The following SERPINB8 variants were observed in gnomAD, a reference collection of about 807,000 sequenced individuals.
SERPINB8 encodes the protein serpin family B member 8.
A neutral mutation model predicts 35.3 loss-of-function variants in SERPINB8; 25 were observed. That is an observed-to-expected ratio of 0.71 (90% CI 0.52 to 0.99). The LOEUF (loss-of-function observed/expected upper bound fraction) is 0.99. Ranked by LOEUF, SERPINB8 falls within the 50% of genes least tolerant of loss-of-function variation. The probability of loss-of-function intolerance (pLI) is 0.00; values close to 1 mark genes in which losing one functional copy is unlikely to be tolerated. For synonymous variants in SERPINB8, 186 were observed against 160.8 expected (o/e 1.16, Z -1.19); for missense variants, 484 against 446.5 (o/e 1.08, Z -0.76).
chr18:64,018,670 T>C (rs1168111054), intron 7 of SERPINB8, among the ~76,000 whole-genome samples: 1 of 152,184 alleles, frequency 6.6e-6, no homozygotes, highest in Non-Finnish European at 1.5e-5. Context: ...AGGGCAAATA[T>C]TAAAAATACT....
intron 1 of SERPINB8, among the ~76,000 whole-genome samples, chr18:63,998,935 C>T (rs889866996): frequency 1.3e-5 from 2 of 152,148 alleles, no homozygotes; most frequent in Non-Finnish European, 2.9e-5. Flanking sequence ...CAAATAGAAA[C>T]TTTGATGGAA....
chr18:64,004,755 T>C (rs2050892100), intron 1 of SERPINB8: 2 of 398,232 alleles, frequency 5.0e-6, no homozygotes, highest in Non-Finnish European at 8.9e-6. Flanking sequence ...AAAGGAATGC[T>C]TCTGTTGTTT....
intron 1 of SERPINB8, among the ~76,000 whole-genome samples, chr18:64,003,817 G>A (rs1276279302): frequency 6.6e-6 from 1 of 152,006 alleles, no homozygotes; most frequent in Non-Finnish European, 1.5e-5. Context: ...GACTGGAGGG[G>A]GGCCACCCAC....
intron 1 of SERPINB8, among the ~76,000 whole-genome samples, chr18:63,978,003 T>C (rs991141314): frequency 1.6e-4 from 25 of 152,164 alleles, no homozygotes; most frequent in African/African-American, 6.0e-4. Context: ...CATGTCTCTG[T>C]CTCTGACTCT....
At chr18:64,018,808 C>T (rs2050962347) in intron 7 of SERPINB8, 1 of 152,186 alleles carries the variant, frequency 6.6e-6, no homozygotes, top group African/African-American at 2.4e-5. Context: ...TGCATATTTT[C>T]CTGGTTCTTG....
At chr18:64,009,027 T>C (rs2050913800), downstream of SERPINB8, among the ~76,000 whole-genome samples, 1 of 152,196 alleles carries the variant, frequency 6.6e-6, no homozygotes, top group Non-Finnish European at 1.5e-5. Context: ...CTATCATTAT[T>C]ATACAAGAGC....
chr18:63,980,684 G>A (rs2050657226), intron 3 of SERPINB8, among the ~76,000 whole-genome samples: 1 of 152,170 alleles, frequency 6.6e-6, no homozygotes, highest in African/African-American at 2.4e-5. Flanking sequence ...ATCTCCTGAT[G>A]AATCCATTTC....
chr18:64,015,807 G>T lies in SERPINB8; in HGVS notation c.*3-3103G>T, dbSNP rs561304380. 2.8e-4 allele frequency among the ~76,000 whole-genome samples: 43 copies of T among 152,272 alleles called. 1 individual carries two copies. In the South Asian group the frequency reaches 8.5e-3, roughly 30 times the overall value. ...CCTTTGAAGTTTCTCTCATTAGAAT[G>T]AAGCCCTTTGCTAACAGTTCTCCAG... On this transcript the variant is annotated intron_variant, in intron 7 of 7. Transcript: ENST00000636430.
intron 1 of SERPINB8, among the ~76,000 whole-genome samples, chr18:63,999,783 T>C (rs2050866019): frequency 6.6e-6 from 1 of 152,170 alleles, no homozygotes; most frequent in Admixed American, 6.5e-5. Flanking sequence ...AAGGAGCATG[T>C]TGCACCAGGC....
At chr18:64,005,086 A>C in exon 2 of SERPINB8, 1 of 377,274 alleles carries the variant, frequency 2.7e-6, no homozygotes, top group Non-Finnish European at 4.7e-6. Flanking sequence ...TCAAATGTCC[A>C]AGAAGGAAAT....
chr18:64,000,463 A>G (rs532074834), intron 1 of SERPINB8, among the ~76,000 whole-genome samples: 2 of 152,336 alleles, frequency 1.3e-5, no homozygotes, highest in Admixed American at 1.3e-4. Flanking sequence ...ACCATATGCA[A>G]TTACAGATAT....
chr18:63,981,627 T>G, intron 3 of SERPINB8, 94 bp from the exon 4 acceptor site: 1 of 837,656 alleles, frequency 1.2e-6, no homozygotes, highest in East Asian at 2.4e-5. Flanking sequence ...GTCCAAGCAC[T>G]TATTGTAGAA....
At chr18:63,980,005 A>T in intron 3 of SERPINB8, 67 bp downstream of exon 3, 1 of 1,513,450 alleles carries the variant, frequency 6.6e-7, no homozygotes, top group Non-Finnish European at 9.1e-7. Context: ...AGAGCAGATA[A>T]TAAAGTATAA....
Position 63,978,326 on chromosome 18 carries a change from A to G in SERPINB8, c.18A>G (p.Glu6=). 1 of 1,614,140 alleles carries G rather than the reference A, an allele frequency of 6.2e-7. No homozygotes were observed. Among genetic ancestry groups the G allele is most frequent in the Non-Finnish European group, 8.5e-7 (1 of 1,180,032 alleles). Residue 6 remains glutamate, a synonymous_variant, in exon 2 of 7, where the codon GAA becomes GAG. Transcript: ENST00000397985. MDDLC[E]ANGTFAISLF... is the part of the protein sequence containing the mutation. ...CTTCTCTGATGGATGACCTCTGTGA[A>G]GCAAATGGCACTTTTGCCATCAGCT... is the stretch of plus-strand genomic sequence containing the variant.
chr18:63,975,746 C>T (rs1271784599), intron 1 of SERPINB8, among the ~76,000 whole-genome samples: 1 of 152,086 alleles, frequency 6.6e-6, no homozygotes, highest in Admixed American at 6.5e-5. Context: ...GTAAGAGACA[C>T]CCTTCTGTTG....
At chr18:64,002,530 G>A (rs917015499) in intron 1 of SERPINB8, among the ~76,000 whole-genome samples, 5 of 152,172 alleles carry the variant, frequency 3.3e-5, no homozygotes, top group African/African-American at 1.2e-4. Context: ...CTTCCCCTGG[G>A]TTTCGGCCTC....
intron 7 of SERPINB8, among the ~76,000 whole-genome samples, chr18:64,017,344 A>G (rs1049463850): frequency 1.5e-4 from 23 of 152,284 alleles, no homozygotes; most frequent in Non-Finnish European, 2.5e-4. Context: ...AGGTACAAAA[A>G]TACTGATTCT....
intron 5 of SERPINB8, 54 bp from the exon 6 acceptor site, chr18:63,985,039 T>G (rs572275036): frequency 6.3e-7 from 1 of 1,585,038 alleles, no homozygotes; most frequent in Non-Finnish European, 8.6e-7. Context: ...ATATATCCTA[T>G]TTTTAGTAAA....
chr18:63,991,037 G>A (rs1340806382), downstream of SERPINB8, among the ~76,000 whole-genome samples: 1 of 152,232 alleles, frequency 6.6e-6, no homozygotes, highest in East Asian at 1.9e-4. Context: ...TCATGGATAT[G>A]TGGTTCTATT....
Sources: gnomAD v4.1 joint callset for allele counts (sites outside exome capture counted in the v4.1 genomes callset) on GRCh38, gnomAD v4.1.1 for gene constraint, MANE v1.5 for transcripts, NCBI Gene and HGNC (gene_info 2026-07-23, HGNC 2026-07-21) for gene names.